Variants in BACH1 observed in about 807,000 individuals in gnomAD.
BACH1 encodes transcription regulator protein BACH1.
A neutral mutation model predicts 52.9 loss-of-function variants in BACH1; 35 were observed. The ratio of observed to expected loss-of-function variants is 0.66; its 90% confidence interval spans 0.51 to 0.88. The LOEUF (loss-of-function observed/expected upper bound fraction) is 0.88, where lower values mean the gene tolerates loss of function less well. Ranked by LOEUF, BACH1 falls within the 40% of genes least tolerant of loss-of-function variation. BACH1 has a pLI of 0.00. For missense variants in BACH1, 808 were observed against 872.6 expected (o/e 0.93, Z 0.93); for synonymous variants, 321 against 319.6 (o/e 1.00, Z -0.05).
In BACH1 at chr21:29,342,580, C is replaced by A; in HGVS notation, c.1958C>A (p.Ser653Tyr). 1 of 1,614,210 alleles carries A rather than the reference C, an allele frequency of 6.2e-7. No individual in the cohort carries two copies. Reference sequence around the variant, plus strand: ...GATTGCCCACTTTCATTTTTAATTTCTGAAAAAGATAAAAGTACTCCTGAT... The same window carrying A: ...GATTGCCCACTTTCATTTTTAATTTATGAAAAAGATAAAAGTACTCCTGAT... ...AADCPLSFLI[S>Y]EKDKSTPDGE... The change falls in exon 5 of 5, where the codon TCT (serine) becomes TAT (tyrosine). Residue 653 changes from serine (S) to tyrosine (Y), a missense_variant. By Grantham distance (144) the Ser-to-Tyr change is moderately radical (BLOSUM62 -2). Transcript: ENST00000286800.
chr21:29,300,335 C>T (rs2088589398), intron 1 of BACH1, among the ~76,000 whole-genome samples: 2 of 152,176 alleles, frequency 1.3e-5, no homozygotes, highest in African/African-American at 4.8e-5. Context: ...TTCGCCCCAG[C>T]TTGAGAGGTA....
chr21:29,330,277 G>C (rs2088965239), intron 4 of BACH1, among the ~76,000 whole-genome samples: 1 of 152,132 alleles, frequency 6.6e-6, no homozygotes, highest in South Asian at 2.1e-4. Flanking sequence ...CCATTCTCCT[G>C]CCTCAGCCTC....
intron 1 of BACH1, among the ~76,000 whole-genome samples, chr21:29,308,708 A>G (rs2088686572): frequency 6.6e-6 from 1 of 152,194 alleles, no homozygotes; most frequent in African/African-American, 2.4e-5. Context: ...TATGGTTGTA[A>G]TTTTTACAGT....
At chr21:29,314,559 A>G (rs1195789254) in intron 1 of BACH1, among the ~76,000 whole-genome samples, 1 of 152,202 alleles carries the variant, frequency 6.6e-6, no homozygotes, top group Non-Finnish European at 1.5e-5. Context: ...TGATGTTGTA[A>G]TAATCATGAG....
In BACH1 at chr21:29,343,492, C is replaced by T. The variant is rs2089138068; in HGVS notation, c.*659C>T. On this transcript the variant is annotated 3_prime_UTR_variant, in exon 5 of 5. Transcript: ENST00000286800. The stretch of plus-strand genomic sequence containing the variant: ...CTGCTTCTCCTCTTCAGTATGGACT[C>T]TAGAAAGTCTGGCTACATGAATAGA... 6.6e-6 allele frequency: 1 copy of T among 152,234 alleles called. No homozygotes were observed. Among genetic ancestry groups the T allele is most frequent in the Admixed American group, 6.5e-5 (1 of 15,278 alleles). The allele number at this position is 152,234 out of a possible 1,614,324, so 9.4% of individuals were successfully genotyped here. A position where few individuals can be genotyped will look rare whatever the true frequency, so the allele number is the denominator to read the frequency against.
chr21:29,361,205 G>T (rs2089269740), intron 2 of BACH1: 1 of 152,216 alleles, frequency 6.6e-6, no homozygotes, highest in South Asian at 2.1e-4. Context: ...ATGAATTCTG[G>T]GCAAAGGCAA....
chr21:29,324,058 C>T (rs532831686), intron 2 of BACH1, among the ~76,000 whole-genome samples: 15 of 152,128 alleles, frequency 9.9e-5, no homozygotes, highest in Non-Finnish European at 2.2e-4. Context: ...TCGAGACCAG[C>T]CTGGCCAACA....
intron 1 of BACH1, among the ~76,000 whole-genome samples, chr21:29,314,734 CT>C (rs147260957): frequency 2.5e-4 from 38 of 149,694 alleles, no homozygotes; most frequent in South Asian, 1.1e-3. Context: ...TTAGTTCAAA[CT>C]TTTTTTTTTG....
chr21:29,353,457 T>TTC (rs1393162994), intron 2 of BACH1, among the ~76,000 whole-genome samples: 4 of 152,156 alleles, frequency 2.6e-5, no homozygotes, highest in African/African-American at 7.2e-5. Context: ...CCCCCTTCTT[T>TTC]TCTTAGTACC....
chr21:29,350,158 C>A (rs984933478), downstream of BACH1, among the ~76,000 whole-genome samples: 1 of 152,164 alleles, frequency 6.6e-6, no homozygotes, highest in African/African-American at 2.4e-5. Flanking sequence ...TGGCCTAATA[C>A]AAACCTCCAC....
At chr21:29,324,556 T>TTGTG (rs59785894) in intron 2 of BACH1, among the ~76,000 whole-genome samples, 21,653 of 144,622 alleles carry the variant, frequency 0.15, 1,991 homozygotes, top group Middle Eastern at 0.22. Flanking sequence ...TGGATGTACC[T>TTGTG]TGTGTGTGTG....
At position 29,327,335 on chromosome 21, in the gene BACH1, C is replaced by G; in HGVS notation, c.1511C>G (p.Ser504Cys). The part of the protein sequence containing the change: ...YACVISLGDD[S>C]ETDTEGDSES... Reference sequence around the variant, plus strand: ...TGTGTCATTAGCTTGGGAGACGACTCTGAGACGGACACCGAAGGAGACAGT... The same window carrying G: ...TGTGTCATTAGCTTGGGAGACGACTGTGAGACGGACACCGAAGGAGACAGT... Residue 504 changes from serine to cysteine, a missense_variant, in exon 3 of 5, where the codon TCT becomes TGT. Ser to Cys is a moderately radical substitution (Grantham distance 112). Transcript: ENST00000286800. 6.2e-7 allele frequency: 1 copy of G among 1,614,192 alleles called. No homozygotes were observed. Among genetic ancestry groups the G allele is most frequent in the Non-Finnish European group, 8.5e-7 (1 of 1,180,036 alleles).
intron 2 of BACH1, among the ~76,000 whole-genome samples, chr21:29,355,792 G>A (rs1256680870): frequency 1.3e-5 from 2 of 152,188 alleles, no homozygotes; most frequent in African/African-American, 4.8e-5. Flanking sequence ...CCTAGAAAGG[G>A]GAGAAGCCAT....
At chr21:29,338,997 C>T (rs950184007) in intron 4 of BACH1, among the ~76,000 whole-genome samples, 3 of 152,070 alleles carry the variant, frequency 2.0e-5, no homozygotes, top group Admixed American at 6.5e-5. Flanking sequence ...GGTTGTCATT[C>T]GTTTTCCAGC....
chr21:29,310,843 G>A (rs1265671615), intron 1 of BACH1, among the ~76,000 whole-genome samples: 3 of 152,196 alleles, frequency 2.0e-5, no homozygotes, highest in Admixed American at 6.5e-5. Context: ...AATGAAATTG[G>A]GAAGAGAGGG....
At chr21:29,300,590 TG>T (rs2088592659) in intron 1 of BACH1, among the ~76,000 whole-genome samples, 1 of 152,158 alleles carries the variant, frequency 6.6e-6, no homozygotes, top group Non-Finnish European at 1.5e-5. Context: ...GAGCTAAAAC[TG>T]GGGAAGAAAT....
Position 29,357,882 on chromosome 21 carries a change from G to A in BACH1, c.472+28189G>A, listed in dbSNP as rs115839044. Among the ~76,000 whole-genome samples, 417 of 152,250 alleles carry A rather than the reference G, an allele frequency of 2.7e-3. 2 individuals carry two copies. Among genetic ancestry groups the A allele is most frequent in the African/African-American group, 7.8e-3 (323 of 41,526 alleles). The stretch of plus-strand genomic sequence containing the variant: ...GTAGGGGACAACAAATGGGTAACTC[G>A]TTCCCCATATTCATGTAGATAATAA... On this transcript the variant is annotated intron_variant, in intron 2 of 4. Coordinates refer to the BACH1 transcript ENST00000422809.
chr21:29,309,911 G>C (rs1392324566), intron 1 of BACH1, among the ~76,000 whole-genome samples: 2 of 152,132 alleles, frequency 1.3e-5, no homozygotes, highest in Admixed American at 6.5e-5. Context: ...TACCTACTTA[G>C]GCTATCTATT....
chr21:29,325,418 A>T (rs1391960530), intron 2 of BACH1, among the ~76,000 whole-genome samples: 1 of 152,122 alleles, frequency 6.6e-6, no homozygotes, highest in East Asian at 1.9e-4. Flanking sequence ...AAGTTTTGTT[A>T]CTTCGAGTCC....
Sources: gnomAD v4.1 joint callset for allele counts (sites outside exome capture counted in the v4.1 genomes callset) on GRCh38, gnomAD v4.1.1 for gene constraint, MANE v1.5 for transcripts, NCBI Gene and HGNC (gene_info 2026-07-23, HGNC 2026-07-21) for gene names.